Variants in CCDC149 observed in about 807,000 individuals in gnomAD.
The protein encoded by CCDC149 is coiled-coil domain-containing protein 149.
Under a neutral mutation model 59.9 loss-of-function variants are expected in CCDC149, and 45 were observed. The observed-to-expected ratio is 0.75, with a 90% CI of 0.59 to 0.96. CCDC149 has a LOEUF of 0.96. Among genes scored for constraint, CCDC149 ranks in the 40% least tolerant of loss-of-function variants. The pLI is 0.00. For synonymous variants in CCDC149, 245 were observed against 260.6 expected (o/e 0.94, Z 0.58); for missense variants, 584 against 664.7 (o/e 0.88, Z 1.33).
At chr4:24,926,825 G>A (rs572224486) in intron 1 of CCDC149, among the ~76,000 whole-genome samples, 9 of 152,278 alleles carry the variant, frequency 5.9e-5, no homozygotes, top group Non-Finnish European at 1.2e-4. Flanking sequence ...TCGCATGTCT[G>A]GCACCTGGGC....
chr4:24,808,264 C>A lies in CCDC149; in HGVS notation c.*125G>T. On this transcript the variant is annotated 3_prime_UTR_variant, in exon 13 of 13. Coordinates refer to ENST00000635206, the MANE Select transcript of CCDC149 (RefSeq NM_001330643.2). ...TTCACAGTTTGCAACAGGATCAGTGCGTTTTCTCACTTGCAGACTCGGAGG... is the reference window on the plus strand; with the variant it reads ...TTCACAGTTTGCAACAGGATCAGTGAGTTTTCTCACTTGCAGACTCGGAGG... The A allele has an allele frequency of 1.2e-6, 1 of 812,150 alleles. No individual in the cohort carries two copies. Among genetic ancestry groups the A allele is most frequent in the Non-Finnish European group, 1.8e-6 (1 of 554,138 alleles). The allele number at this position is 812,150 out of a possible 1,614,324, so 50.3% of individuals were successfully genotyped here. A position where few individuals can be genotyped will look rare whatever the true frequency, so the allele number is the denominator to read the frequency against.
chr4:24,816,907 G>A (rs1715048157), intron 12 of CCDC149, among the ~76,000 whole-genome samples: 1 of 152,106 alleles, frequency 6.6e-6, no homozygotes, highest in South Asian at 2.1e-4. Context: ...TCCTTTGTTA[G>A]TTGCTCTCTG....
intron 1 of CCDC149, among the ~76,000 whole-genome samples, chr4:24,950,633 TCA>T (rs1723257094): frequency 6.6e-6 from 1 of 152,242 alleles, no homozygotes; most frequent in Non-Finnish European, 1.5e-5. Flanking sequence ...TCTCCAATCC[TCA>T]GTGTTCTCAT....
chr4:24,929,889 T>TC (rs893344342), intron 1 of CCDC149, among the ~76,000 whole-genome samples: 2 of 152,018 alleles, frequency 1.3e-5, no homozygotes, highest in African/African-American at 2.4e-5. Flanking sequence ...TCTCTGCCTC[T>TC]CCCCCCATCA....
chr4:24,848,932 C>A (rs1289109507), intron 4 of CCDC149, among the ~76,000 whole-genome samples: 1 of 152,132 alleles, frequency 6.6e-6, no homozygotes, highest in Non-Finnish European at 1.5e-5. Flanking sequence ...TGATGGCAAC[C>A]GAGAGCTGCA....
intron 1 of CCDC149, among the ~76,000 whole-genome samples, chr4:24,893,429 G>A (rs1481051984): frequency 6.6e-6 from 1 of 152,030 alleles, no homozygotes; most frequent in Non-Finnish European, 1.5e-5. Context: ...TGTGGTATGA[G>A]GAAATTGGAC....
Position 24,968,192 on chromosome 4 carries a change from TGGCAGTGCACG to T in CCDC149, c.-65+11866_-65+11876del, listed in dbSNP as rs1208795802. On this transcript the variant is annotated intron_variant, in intron 1 of 12. Transcript: ENST00000389609. ...CACAGATGATTTTGGTTGAGGCCTG[TGGCAGTGCACG>T]GGGTGCTTGAAAATGCTAGGAGGCT... is the stretch of plus-strand genomic sequence containing the variant. Among the ~76,000 whole-genome samples, 4 of 152,324 alleles carry T rather than the reference TGGCAGTGCACG, an allele frequency of 2.6e-5. No homozygotes were observed. In the East Asian group the frequency reaches 7.7e-4, roughly 29 times the overall value.
At chr4:24,819,504 A>G (rs1301992801) in intron 12 of CCDC149, among the ~76,000 whole-genome samples, 5 of 152,118 alleles carry the variant, frequency 3.3e-5, no homozygotes, top group African/African-American at 1.2e-4. Flanking sequence ...TATTTTTAGT[A>G]GAGACGGGTT....
chr4:24,935,854 G>C (rs1722723541), intron 1 of CCDC149, among the ~76,000 whole-genome samples: 1 of 152,134 alleles, frequency 6.6e-6, no homozygotes, highest in Non-Finnish European at 1.5e-5. Flanking sequence ...TCTATATATA[G>C]CTGGTATTTA....
chr4:24,845,555 A>G (rs1481378413), intron 4 of CCDC149, among the ~76,000 whole-genome samples: 1 of 152,226 alleles, frequency 6.6e-6, no homozygotes. Flanking sequence ...ACTGTACCAG[A>G]GATGTCCAAA....
chr4:24,899,140 G>A (rs1721012945), intron 1 of CCDC149, among the ~76,000 whole-genome samples: 1 of 152,210 alleles, frequency 6.6e-6, no homozygotes, highest in Non-Finnish European at 1.5e-5. Context: ...AGGGAGAGGG[G>A]TTGAGAATCT....
intron 1 of CCDC149, among the ~76,000 whole-genome samples, chr4:24,941,143 G>A (rs1722943231): frequency 6.6e-6 from 1 of 152,128 alleles, no homozygotes; most frequent in Admixed American, 6.5e-5. Flanking sequence ...CACATAGTTG[G>A]AAGTAAAACA....
chr4:24,873,764 A>T, intron 2 of CCDC149, 45 bp from the exon 3 acceptor site: 1 of 1,463,026 alleles, frequency 6.8e-7, no homozygotes, highest in Non-Finnish European at 9.6e-7. Context: ...AGAAAAATAG[A>T]TGTACTTAGA....
In CCDC149 at chr4:24,908,274, G is replaced by T. The variant is rs542580776; in HGVS notation, c.63+4543C>A. ...TTTGATCTTTTGTACCAAGAGAAAG[G>T]CAGGGCCAAGACTTCCCCCCAGGTC... On this transcript the variant is annotated intron_variant, in intron 1 of 12. Coordinates refer to ENST00000635206, the MANE Select transcript of CCDC149 (RefSeq NM_001330643.2). 3.3e-5 allele frequency among the ~76,000 whole-genome samples: 5 copies of T among 152,248 alleles called. No homozygotes were observed. The East Asian group carries it at 7.7e-4, about 23-fold the overall frequency.
At chr4:24,909,521 G>A (rs1052338958) in intron 1 of CCDC149, among the ~76,000 whole-genome samples, 1 of 152,140 alleles carries the variant, frequency 6.6e-6, no homozygotes, top group East Asian at 1.9e-4. Context: ...GCAGATCAGG[G>A]GGCTGCAACC....
rs577583859 is a variant in CCDC149, at chr4:24,874,256, T to G, written c.226-537A>C. Among the ~76,000 whole-genome samples the G allele has an allele frequency of 2.1e-3, 114 of 55,576 alleles. 3 individuals are homozygous for G. Among genetic ancestry groups the G allele is most frequent in the East Asian group, 0.012 (24 of 2,072 alleles). 36.5% of individuals were successfully genotyped at this position (55,576 alleles called of 152,430 possible). On this transcript the variant is annotated intron_variant, in intron 2 of 12. Transcript: ENST00000635206. The stretch of plus-strand genomic sequence containing the variant: ...TCCTATTAGATTTGTTTTTTTTTTT[T>G]TTTGTTTTGTTTTTTTTTGTTTTTT...
At chr4:24,937,471 A>G (rs1474205347) in intron 1 of CCDC149, among the ~76,000 whole-genome samples, 3 of 152,234 alleles carry the variant, frequency 2.0e-5, no homozygotes, top group Non-Finnish European at 4.4e-5. Flanking sequence ...CTTAACAAAT[A>G]GGTTATGCTG....
At chr4:24,825,696 C>T (rs1286942060) in intron 9 of CCDC149, among the ~76,000 whole-genome samples, 1 of 151,626 alleles carries the variant, frequency 6.6e-6, no homozygotes, top group Non-Finnish European at 1.5e-5. Flanking sequence ...TGGCGTGAAC[C>T]CAGGAGGCAG....
rs993574025 is a variant in CCDC149 at position 24,927,033 on chromosome 4, G to A, written c.-64-31915C>T. Among the ~76,000 whole-genome samples, 3 of 152,132 alleles carry A rather than the reference G, an allele frequency of 2.0e-5. 1 individual carries two copies. Among genetic ancestry groups the A allele is most frequent in the Non-Finnish European group, 1.5e-5 (1 of 68,018 alleles). ...ACCCCCAGCCTCCGAAGTCAGGCAT[G>A]GTCACTTCTGCTACATCCCATAGGT... is the stretch of plus-strand genomic sequence containing the variant. On this transcript the variant is annotated intron_variant, in intron 1 of 12. Transcript: ENST00000389609.
Sources: allele counts gnomAD v4.1 joint callset (sites outside exome capture counted in the v4.1 genomes callset), GRCh38; gene constraint gnomAD v4.1.1; transcripts MANE v1.5; gene names NCBI Gene and HGNC (gene_info 2026-07-23, HGNC 2026-07-21).